Variants in ZFAND6 observed in about 807,000 individuals in gnomAD.
ZFAND6 encodes the protein zinc finger AN1-type containing 6.
A neutral mutation model predicts 24.5 loss-of-function variants in ZFAND6; 12 were observed. The ratio of observed to expected loss-of-function variants is 0.49; its 90% CI spans 0.31 to 0.79. The LOEUF is 0.79. Ranked by LOEUF, ZFAND6 falls within the 30% of genes least tolerant of loss-of-function variation. The pLI is 0.04. For synonymous variants in ZFAND6, 92 were observed against 81.5 expected, an observed-to-expected ratio of 1.13 and a Z score of -0.69; for missense variants, 207 against 245.9, an observed-to-expected ratio of 0.84 and a Z score of 1.06.
chr15:80,073,263 A>G (rs1321618194), intron 1 of ZFAND6: 3 of 294,438 alleles, frequency 1.0e-5, no homozygotes, highest in Non-Finnish European at 2.1e-5. Flanking sequence ...ATTTCTTTCA[A>G]AGGTGGAGAT....
At chr15:80,105,485 G>A (rs1016683313) in intron 2 of ZFAND6, among the ~76,000 whole-genome samples, 2 of 152,132 alleles carry the variant, frequency 1.3e-5, no homozygotes, top group African/African-American at 4.8e-5. Flanking sequence ...ATGATGAACT[G>A]CAGATATGTG....
At chr15:80,090,586 A>G (rs1489485053) in intron 1 of ZFAND6, among the ~76,000 whole-genome samples, 1 of 152,236 alleles carries the variant, frequency 6.6e-6, no homozygotes, top group East Asian at 1.9e-4. Flanking sequence ...ATCCTGCTCC[A>G]TGCTCATCCC....
chr15:80,095,126 T>A (rs2038643471), intron 1 of ZFAND6, among the ~76,000 whole-genome samples: 1 of 152,226 alleles, frequency 6.6e-6, no homozygotes, highest in African/African-American at 2.4e-5. Flanking sequence ...TTCATTGCAT[T>A]TAGTTGCCAC....
chr15:80,088,778 T>C (rs2038160144), intron 1 of ZFAND6, among the ~76,000 whole-genome samples: 1 of 152,220 alleles, frequency 6.6e-6, no homozygotes, highest in Non-Finnish European at 1.5e-5. Context: ...CTGTCTAATA[T>C]GGTAGTTAGT....
chr15:80,118,681 A>G (rs1397800758), intron 2 of ZFAND6, among the ~76,000 whole-genome samples: 1 of 152,188 alleles, frequency 6.6e-6, no homozygotes, highest in Non-Finnish European at 1.5e-5. Context: ...ACTTGTCATC[A>G]TGGAATAAGA....
chr15:80,084,579 T>C (rs894752135), intron 1 of ZFAND6, among the ~76,000 whole-genome samples: 3 of 152,192 alleles, frequency 2.0e-5, no homozygotes, highest in African/African-American at 4.8e-5. Flanking sequence ...GTGGGGGCAG[T>C]GTGTCAGAAA....
intron 2 of ZFAND6, among the ~76,000 whole-genome samples, chr15:80,109,856 T>G (rs932769085): frequency 6.6e-6 from 1 of 152,240 alleles, no homozygotes; most frequent in Non-Finnish European, 1.5e-5. Context: ...CAACAAATAT[T>G]TATTATCTCA....
intron 1 of ZFAND6, chr15:80,060,441 A>G (rs1253856811): frequency 6.6e-6 from 1 of 152,176 alleles, no homozygotes; most frequent in East Asian, 1.9e-4. Context: ...TAGCTACCTA[A>G]AAAAGTATGA....
Position 80,128,300 on chromosome 15 carries a change from A to G in ZFAND6, c.365-2880A>G, listed in dbSNP as rs888249401. ...TAAAAACCACTGAATTGTATACTTT[A>G]AAGAGTGAATTTTATGGTATGTGAA... On this transcript the variant is annotated intron_variant, in intron 5 of 6. Coordinates refer to ENST00000261749, the MANE Select transcript of ZFAND6 (RefSeq NM_019006.4). 2.6e-5 allele frequency among the ~76,000 whole-genome samples: 4 copies of G among 152,222 alleles called. No homozygotes were observed. The South Asian group carries it at 8.3e-4, about 31-fold the overall frequency.
chr15:80,065,002 CTTTTT>C (rs371580044), intron 1 of ZFAND6, among the ~76,000 whole-genome samples: 1 of 68,150 alleles, frequency 1.5e-5, no homozygotes, highest in Non-Finnish European at 3.0e-5. Context: ...CTCTCTCCCC[CTTTTT>C]TTTTTTTTTT....
At chr15:80,074,890 A>T (rs979272414) in intron 1 of ZFAND6, among the ~76,000 whole-genome samples, 2 of 152,114 alleles carry the variant, frequency 1.3e-5, no homozygotes, top group East Asian at 1.9e-4. Context: ...AGACAATCAT[A>T]TTTTTTCTTA....
intron 2 of ZFAND6, among the ~76,000 whole-genome samples, chr15:80,113,192 A>C (rs77394107): frequency 0.013 from 1,993 of 152,324 alleles, 35 homozygotes; most frequent in African/African-American, 0.045. Context: ...AGATAACTAA[A>C]ATTGAAGGTG....
intron 2 of ZFAND6, among the ~76,000 whole-genome samples, chr15:80,105,523 T>C (rs1035573715): frequency 6.6e-6 from 1 of 152,218 alleles, no homozygotes; most frequent in Admixed American, 6.5e-5. Context: ...AATTCTGAAC[T>C]GAGCTTTATA....
intron 1 of ZFAND6, among the ~76,000 whole-genome samples, chr15:80,087,573 G>A (rs2038079640): frequency 6.6e-6 from 1 of 152,058 alleles, no homozygotes; most frequent in South Asian, 2.1e-4. Context: ...TCTAGCTTCA[G>A]TTCCCTCTTC....
intron 1 of ZFAND6, among the ~76,000 whole-genome samples, chr15:80,062,056 T>C (rs562422980): frequency 9.8e-4 from 149 of 152,318 alleles, no homozygotes; most frequent in African/African-American, 3.5e-3. Context: ...CTGTTTGGTA[T>C]CTCCTTTTCA....
chr15:80,068,338 G>A (rs867665039), intron 1 of ZFAND6, among the ~76,000 whole-genome samples: 2 of 150,654 alleles, frequency 1.3e-5, no homozygotes, highest in South Asian at 4.2e-4. Flanking sequence ...AAAATTTTTT[G>A]TAGAGATGGG....
chr15:80,111,123 C>T (rs1036888990), intron 2 of ZFAND6, among the ~76,000 whole-genome samples: 7 of 152,188 alleles, frequency 4.6e-5, no homozygotes, highest in Non-Finnish European at 1.0e-4. Flanking sequence ...ATATATTTAG[C>T]TTGGTGTTCT....
chr15:80,090,664 T>TAG (rs1388271602), intron 1 of ZFAND6, among the ~76,000 whole-genome samples: 1 of 152,178 alleles, frequency 6.6e-6, no homozygotes, highest in Non-Finnish European at 1.5e-5. Context: ...AGTAGGCAGT[T>TAG]AGCAAAAACA....
At chr15:80,112,019 G>T (rs1417671372) in intron 2 of ZFAND6, among the ~76,000 whole-genome samples, 1 of 152,176 alleles carries the variant, frequency 6.6e-6, no homozygotes, top group Non-Finnish European at 1.5e-5. Flanking sequence ...CAGCACTTAG[G>T]GAGGCCGAGG....
Sources: gnomAD v4.1 joint callset for allele counts (sites outside exome capture counted in the v4.1 genomes callset) on GRCh38, gnomAD v4.1.1 for gene constraint, MANE v1.5 for transcripts, NCBI Gene and HGNC (gene_info 2026-07-23, HGNC 2026-07-21) for gene names.